LUC7L3: variants seen among roughly 807,000 people sequenced by gnomAD.
LUC7L3 encodes the protein luc7-like protein 3.
In LUC7L3, 6 loss-of-function variants were observed where a neutral mutation model predicts 66.8. The ratio of observed to expected loss-of-function variants is 0.09; its 90% confidence interval spans 0.05 to 0.18. The LOEUF is 0.18. LUC7L3 is among the 10% of genes least tolerant of loss of function. The probability of loss-of-function intolerance (pLI) is 1.00; values close to 1 mark genes in which losing one functional copy is unlikely to be tolerated. For synonymous variants in LUC7L3, 160 were observed against 174.7 expected (o/e 0.92, Z 0.66); for missense variants, 341 against 531.1 (o/e 0.64, Z 3.52).
chr17:50,719,652 G>A lies in LUC7L3; in HGVS notation c.-81G>A. On this transcript the variant is annotated 5_prime_UTR_variant, in exon 1 of 10. Transcript: ENST00000505658. ...AGGGATTTCGGCCTGAGAGCGGGCC[G>A]AGGAGATTGGCGACGGTGTCGCCCG... 2 of 1,207,326 alleles carry A rather than the reference G, an allele frequency of 1.7e-6. No homozygotes were observed. The highest frequency in any genetic ancestry group is 1.2e-6 in the Non-Finnish European group (1 of 833,848). 74.8% of individuals were successfully genotyped at this position (1,207,326 alleles called of 1,614,324 possible). A position where few individuals can be genotyped will look rare whatever the true frequency, so the allele number is the denominator to read the frequency against.
intron 1 of LUC7L3, among the ~76,000 whole-genome samples, chr17:50,726,910 G>A (rs1043440738): frequency 1.3e-5 from 2 of 151,964 alleles, no homozygotes; most frequent in Non-Finnish European, 1.5e-5. Flanking sequence ...CTAACATGGT[G>A]AAACCCTGTC....
chr17:50,725,938 CTA>C (rs1969151415), intron 1 of LUC7L3, among the ~76,000 whole-genome samples: 1 of 152,130 alleles, frequency 6.6e-6, no homozygotes, highest in Non-Finnish European at 1.5e-5. Context: ...ATAAAATTAA[CTA>C]TAGTACATAC....
chr17:50,724,611 TTGTG>T (rs58361696), intron 1 of LUC7L3, among the ~76,000 whole-genome samples: 19,490 of 147,140 alleles, frequency 0.13, 1,411 homozygotes, highest in East Asian at 0.3. Flanking sequence ...TTTAGGAAAA[TTGTG>T]TGTGTGTGTG....
intron 5 of LUC7L3, 74 bp downstream of exon 5, chr17:50,741,805 C>A: frequency 8.7e-7 from 1 of 1,149,636 alleles, no homozygotes; most frequent in South Asian, 1.3e-5. Flanking sequence ...CAAGGATGGG[C>A]CAGGCATGGT....
At chr17:50,738,559 T>A (rs1033962112) in intron 2 of LUC7L3, among the ~76,000 whole-genome samples, 14 of 152,144 alleles carry the variant, frequency 9.2e-5, no homozygotes, top group Non-Finnish European at 1.9e-4. Context: ...AGGGAACTTG[T>A]GGAAAAAGTG....
rs1567885648 is a variant in LUC7L3 at position 50,756,035 on chromosome 17, CAA to C, written c.*5377_*5378del. 6.6e-6 allele frequency: 1 copy of C among 152,282 alleles called. No individual in the cohort carries two copies. Among genetic ancestry groups the C allele is most frequent in the Admixed American group, 6.5e-5 (1 of 15,294 alleles). The allele number at this position is 152,282 out of a possible 1,614,324, so 9.4% of individuals were successfully genotyped here. A position where few individuals can be genotyped will look rare whatever the true frequency, so the allele number is the denominator to read the frequency against. On this transcript the variant is annotated 3_prime_UTR_variant, in exon 10 of 10. Transcript: ENST00000505658. ...ACATGATAAAAGGAAACGATTAAGA[CAA>C]AATTTAATGTTAGCCGTTTTGATGG...
chr17:50,738,170 TG>T, intron 2 of LUC7L3: 1 of 456,124 alleles, frequency 2.2e-6, no homozygotes, highest in Non-Finnish European at 4.4e-6. Flanking sequence ...CTAGAGAAAG[TG>T]AACAGTTCCT....
intron 1 of LUC7L3, among the ~76,000 whole-genome samples, chr17:50,731,251 C>T (rs1372087230): frequency 6.6e-6 from 1 of 152,120 alleles, no homozygotes; most frequent in East Asian, 1.9e-4. Context: ...TAACTGCAAC[C>T]TCTCCCTCCC....
At chr17:50,746,064 C>T in intron 8 of LUC7L3, 61 bp downstream of exon 8, 1 of 1,511,066 alleles carries the variant, frequency 6.6e-7, no homozygotes, top group Non-Finnish European at 8.8e-7. Context: ...ACAATAATAA[C>T]TACTAGTATT....
intron 1 of LUC7L3, among the ~76,000 whole-genome samples, chr17:50,735,482 C>T (rs1217692023): frequency 1.3e-5 from 2 of 151,402 alleles, no homozygotes; most frequent in African/African-American, 4.9e-5. Flanking sequence ...TTTTCGTTTT[C>T]CTTTTGCCTT....
intron 2 of LUC7L3, 36 bp downstream of exon 2, chr17:50,737,062 A>G (rs748040423): frequency 8.0e-6 from 12 of 1,493,934 alleles, no homozygotes; most frequent in African/African-American, 1.4e-5. Flanking sequence ...TATCAAATTT[A>G]TGATATTTAA....
intron 9 of LUC7L3, chr17:50,748,260 T>A (rs1317190414): frequency 1.3e-5 from 2 of 152,192 alleles, no homozygotes; most frequent in Non-Finnish European, 2.9e-5. Flanking sequence ...AGCAAAAAGA[T>A]GTCCAGAGTT....
chr17:50,745,616 A>G (rs1229034341), intron 7 of LUC7L3, 104 bp from the exon 8 acceptor site: 7 of 792,520 alleles, frequency 8.8e-6, no homozygotes, highest in Non-Finnish European at 1.4e-5. Context: ...CCTTAAGGGC[A>G]TCAATTCCAT....
At chr17:50,731,465 G>A (rs1405994495) in intron 1 of LUC7L3, among the ~76,000 whole-genome samples, 1 of 152,184 alleles carries the variant, frequency 6.6e-6, no homozygotes, top group Non-Finnish European at 1.5e-5. Flanking sequence ...ACCACACCTG[G>A]CCTCTCTGGG....
intron 5 of LUC7L3, among the ~76,000 whole-genome samples, chr17:50,743,062 G>T (rs1032856746): frequency 5.9e-5 from 9 of 152,162 alleles, no homozygotes; most frequent in African/African-American, 2.2e-4. Flanking sequence ...GTTGCCTGGG[G>T]ATTGTGTTTA....
At chr17:50,748,265 A>T (rs1317202558) in intron 9 of LUC7L3, 1 of 152,224 alleles carries the variant, frequency 6.6e-6, no homozygotes, top group African/African-American at 2.4e-5. Flanking sequence ...AAAGATGTCC[A>T]GAGTTGCTTA....
At chr17:50,747,013 C>A (rs914583961) in intron 9 of LUC7L3, among the ~76,000 whole-genome samples, 5 of 151,402 alleles carry the variant, frequency 3.3e-5, no homozygotes, top group Non-Finnish European at 5.9e-5. Context: ...ATTATATTAC[C>A]TTGGTTATTG....
At position 50,723,651 on chromosome 17, in the gene LUC7L3, G is replaced by GCC. The variant is rs71353658; in HGVS notation, c.99+3829_99+3830dup. The GCC allele has an allele frequency of 7.5e-3, 1,118 of 148,672 alleles. 30 individuals are homozygous for GCC. The highest frequency in any genetic ancestry group is 0.03 in the African/African-American group (1,018 of 34,456). 9.2% of individuals were successfully genotyped at this position (148,672 alleles called of 1,614,324 possible). On this transcript the variant is annotated intron_variant, in intron 1 of 9. Transcript: ENST00000505658. ...AAAAGCATTTTCTACCCTGCTCCCT[G>GCC]CCCCCCCCCCTTTTTTTTTTTGAGA...
chr17:50,740,888 G>A (rs1970307999), intron 3 of LUC7L3, among the ~76,000 whole-genome samples: 1 of 152,136 alleles, frequency 6.6e-6, no homozygotes, highest in South Asian at 2.1e-4. Context: ...CTTGTCCTAG[G>A]TCCAGGGTCA....
Sources: gnomAD v4.1 joint callset for allele counts (sites outside exome capture counted in the v4.1 genomes callset) on GRCh38, gnomAD v4.1.1 for gene constraint, MANE v1.5 for transcripts, NCBI Gene and HGNC (gene_info 2026-07-23, HGNC 2026-07-21) for gene names.